Variants in SH3GL3 observed in about 807,000 individuals in gnomAD.
SH3GL3 encodes the protein endophilin-A3.
Under a neutral mutation model 47.7 loss-of-function variants are expected in SH3GL3, and 33 were observed. That is an observed-to-expected ratio of 0.69 (90% confidence interval 0.52 to 0.92). The LOEUF (loss-of-function observed/expected upper bound fraction) is 0.92, where lower values mean the gene tolerates loss of function less well. Ranked by LOEUF, SH3GL3 falls within the 40% of genes least tolerant of loss-of-function variation. The pLI is 0.00. For synonymous variants in SH3GL3, 155 were observed against 148.8 expected (o/e 1.04, Z -0.30); for missense variants, 363 against 417.8 (o/e 0.87, Z 1.14).
downstream of SH3GL3, among the ~76,000 whole-genome samples, chr15:83,623,709 T>C (rs1054807099): frequency 6.6e-6 from 1 of 152,256 alleles, no homozygotes; most frequent in Non-Finnish European, 1.5e-5. Flanking sequence ...TTAGCTATTC[T>C]TCCATCAAGC....
At chr15:83,542,132 A>G (rs2151703486) in intron 1 of SH3GL3, among the ~76,000 whole-genome samples, 1 of 152,064 alleles carries the variant, frequency 6.6e-6, no homozygotes, top group East Asian at 1.9e-4. Context: ...ATCCATTTTG[A>G]TTTGATTTTT....
chr15:83,629,148 G>A, the SH3GL3 span, among the ~76,000 whole-genome samples: 17 of 152,226 alleles, frequency 1.1e-4, no homozygotes, highest in South Asian at 4.2e-4. Context: ...CTATCCATTC[G>A]TGCTAAATTG....
chr15:83,567,713 T>C (rs928822929), intron 3 of SH3GL3, among the ~76,000 whole-genome samples: 16 of 152,246 alleles, frequency 1.1e-4, no homozygotes, highest in African/African-American at 3.8e-4. Flanking sequence ...TGTGTGTGTG[T>C]GTGCGTGCGC....
At chr15:83,587,197 G>A in intron 7 of SH3GL3, 111 bp downstream of exon 7, 1 of 598,374 alleles carries the variant, frequency 1.7e-6, no homozygotes, top group South Asian at 2.2e-5. Flanking sequence ...GCCTCATTCT[G>A]TTTTGAATTT....
chr15:83,477,718 C>T (rs529259852), intron 1 of SH3GL3, among the ~76,000 whole-genome samples: 1 of 152,130 alleles, frequency 6.6e-6, no homozygotes, highest in South Asian at 2.1e-4. Flanking sequence ...GCCAGACATG[C>T]ATACTTAAAG....
chr15:83,498,851 T>C (rs1342622696), intron 1 of SH3GL3, among the ~76,000 whole-genome samples: 2 of 152,184 alleles, frequency 1.3e-5, no homozygotes, highest in African/African-American at 4.8e-5. Flanking sequence ...AGCCCTTGTG[T>C]CTGCTGGCCT....
At chr15:83,533,012 G>A (rs943717944) in intron 1 of SH3GL3, among the ~76,000 whole-genome samples, 2 of 152,208 alleles carry the variant, frequency 1.3e-5, no homozygotes, top group Non-Finnish European at 2.9e-5. Flanking sequence ...ATCATTGCCT[G>A]GGCTGGGCCC....
At chr15:83,613,672 T>A (rs918102748) in intron 8 of SH3GL3, among the ~76,000 whole-genome samples, 1 of 137,708 alleles carries the variant, frequency 7.3e-6, no homozygotes, top group Non-Finnish European at 1.6e-5. Flanking sequence ...TCTATCTATC[T>A]ATCATTAGCC....
chr15:83,460,471 G>T (rs544552431), intron 1 of SH3GL3, among the ~76,000 whole-genome samples: 1 of 152,106 alleles, frequency 6.6e-6, no homozygotes, highest in South Asian at 2.1e-4. Flanking sequence ...CATCAGGTTC[G>T]ACTTACAGTT....
the SH3GL3 span, among the ~76,000 whole-genome samples, chr15:83,632,614 G>T: frequency 4.3e-4 from 66 of 152,312 alleles, no homozygotes; most frequent in African/African-American, 1.4e-3. Flanking sequence ...TCCTTCAAAT[G>T]GTGGCAGGAA....
Position 83,448,210 on chromosome 15 carries a change from C to A in SH3GL3, c.45+632C>A, listed in dbSNP as rs1390408455. On this transcript the variant is annotated intron_variant, in intron 1 of 8. Coordinates refer to ENST00000427482, the MANE Select transcript of SH3GL3 (RefSeq NM_003027.5). The surrounding 1 kb of genome is among the most constrained non-coding windows in gnomAD (Gnocchi z 4.2). ...CTTCTGCTCTTACAGAGCTGACAGC[C>A]TGCAGGGGAGACACGGAGACAGACA... is the stretch of plus-strand genomic sequence containing the variant. 6.6e-6 allele frequency among the ~76,000 whole-genome samples: 1 copy of A among 152,186 alleles called. No individual in the cohort carries two copies. Among genetic ancestry groups the A allele is most frequent in the African/African-American group, 2.4e-5 (1 of 41,454 alleles).
chr15:83,604,914 G>A (rs995483678), intron 8 of SH3GL3, among the ~76,000 whole-genome samples: 1 of 152,206 alleles, frequency 6.6e-6, no homozygotes, highest in Admixed American at 6.5e-5. Context: ...CAAGATTCAT[G>A]ATTACAGGGA....
At chr15:83,472,143 C>A (rs1233455134) in intron 1 of SH3GL3, among the ~76,000 whole-genome samples, 1 of 152,226 alleles carries the variant, frequency 6.6e-6, no homozygotes, top group African/African-American at 2.4e-5. Flanking sequence ...CTCAGCCTCC[C>A]AAAGTGCTGG....
intron 6 of SH3GL3, among the ~76,000 whole-genome samples, chr15:83,582,051 A>G (rs1472094407): frequency 1.3e-5 from 2 of 152,200 alleles, no homozygotes; most frequent in African/African-American, 2.4e-5. Context: ...CTCTTGGAGG[A>G]AAGTGTGGGA....
At chr15:83,596,867 G>GTCCTTCCTCGGACAAAAAGTCTTTTCC (rs1256684262) in intron 8 of SH3GL3, among the ~76,000 whole-genome samples, 2 of 151,836 alleles carry the variant, frequency 1.3e-5, no homozygotes, top group African/African-American at 4.8e-5. Context: ...GAAACTTTTT[G>GTCCTTCCTCGGACAAAAAGTCTTTTCC]TCCTTCCTCG....
chr15:83,497,647 C>T (rs1411327224), intron 1 of SH3GL3, among the ~76,000 whole-genome samples: 1 of 152,194 alleles, frequency 6.6e-6, no homozygotes, highest in Non-Finnish European at 1.5e-5. Context: ...CTGTCTCACT[C>T]TTTTCTTCAT....
intron 6 of SH3GL3, among the ~76,000 whole-genome samples, chr15:83,582,883 T>C (rs923554120): frequency 3.3e-5 from 5 of 152,176 alleles, no homozygotes; most frequent in Admixed American, 3.3e-4. Context: ...TTATTATCCA[T>C]GTTATTAATT....
intron 1 of SH3GL3, among the ~76,000 whole-genome samples, chr15:83,505,184 T>C (rs2042445443): frequency 6.6e-6 from 1 of 152,126 alleles, no homozygotes; most frequent in African/African-American, 2.4e-5. Context: ...CTGCAGTGAA[T>C]ATTATGGGCA....
At chr15:83,583,928 G>A (rs766034653) in intron 6 of SH3GL3, among the ~76,000 whole-genome samples, 1 of 152,136 alleles carries the variant, frequency 6.6e-6, no homozygotes, top group Non-Finnish European at 1.5e-5. Flanking sequence ...GGGGGTCCCT[G>A]GGCAGCACTA....
Sources: allele counts gnomAD v4.1 joint callset (sites outside exome capture counted in the v4.1 genomes callset), GRCh38; gene constraint gnomAD v4.1.1; non-coding constraint Gnocchi (gnomAD v3.1); transcripts MANE v1.5; gene names NCBI Gene and HGNC (gene_info 2026-07-23, HGNC 2026-07-21).